The following DIAPH2 variants were observed in gnomAD, a reference collection of about 807,000 sequenced individuals.
DIAPH2 encodes the protein protein diaphanous homolog 2.
Under a neutral mutation model 92.7 loss-of-function variants are expected in DIAPH2, and 35 were observed. The observed-to-expected ratio is 0.38, with a 90% CI of 0.29 to 0.50. The LOEUF (loss-of-function observed/expected upper bound fraction) is 0.50, where lower values mean the gene tolerates loss of function less well. DIAPH2 is among the 20% of genes least tolerant of loss of function. The pLI is 0.94. For missense variants in DIAPH2, 701 were observed against 819.5 expected (o/e 0.86, Z 1.77); for synonymous variants, 301 against 280.4 (o/e 1.07, Z -0.73).
intron 25 of DIAPH2, among the ~76,000 whole-genome samples, chrX:97,412,227 T>C (rs1454374197): frequency 1.2e-4 from 13 of 111,711 alleles, no homozygotes; most frequent in African/African-American, 4.2e-4. Context: ...TGCAATCAAA[T>C]TAGTACTCAG....
intron 26 of DIAPH2, among the ~76,000 whole-genome samples, chrX:97,460,574 A>G (rs1167917025): frequency 1.8e-5 from 2 of 112,242 alleles, no homozygotes; most frequent in Non-Finnish European, 3.8e-5. Context: ...ATTCATTTTT[A>G]CAAGGTAGAA....
intron 23 of DIAPH2, among the ~76,000 whole-genome samples, chrX:97,316,684 G>A (rs754732677): frequency 1.8e-5 from 2 of 111,322 alleles, no homozygotes; most frequent in South Asian, 3.8e-4. Flanking sequence ...AGACTAGAGG[G>A]TAGGCAGCAT....
At chrX:96,718,348 T>G (rs866528447) in intron 1 of DIAPH2, among the ~76,000 whole-genome samples, 87 of 55,464 alleles carry the variant, frequency 1.6e-3, no homozygotes, top group Non-Finnish European at 2.5e-3. Flanking sequence ...TTTTTTTTTT[T>G]TTTTTTTTTT....
chrX:97,227,269 G>A (rs911401582), intron 22 of DIAPH2, among the ~76,000 whole-genome samples: 1 of 110,549 alleles, frequency 9.0e-6, no homozygotes, highest in Non-Finnish European at 1.9e-5. Flanking sequence ...GCAAGACTTC[G>A]TCTAAAAAAA....
At chrX:97,224,080 A>G (rs1052578673) in intron 22 of DIAPH2, among the ~76,000 whole-genome samples, 1 of 111,770 alleles carries the variant, frequency 8.9e-6, no homozygotes, top group African/African-American at 3.2e-5. Flanking sequence ...GTTAATTGTC[A>G]GTTTCTGAAA....
intron 26 of DIAPH2, among the ~76,000 whole-genome samples, chrX:97,432,040 A>G (rs2070131930): frequency 8.9e-6 from 1 of 111,733 alleles, no homozygotes; most frequent in Non-Finnish European, 1.9e-5. Flanking sequence ...ATCTTTTCCA[A>G]CAACCTCCAC....
At chrX:96,717,816 GTATATATATATATATATATATATATA>G (rs61272505) in intron 1 of DIAPH2, among the ~76,000 whole-genome samples, 799 of 36,376 alleles carry the variant, frequency 0.022, 17 homozygotes, top group Middle Eastern at 0.062. Context: ...TGGGTATATA[GTATATATATATATATATATATATATA>G]TATATATATA....
chrX:97,397,926 T>A (rs1225051915), intron 25 of DIAPH2, among the ~76,000 whole-genome samples: 2 of 112,511 alleles, frequency 1.8e-5, no homozygotes, highest in Non-Finnish European at 3.8e-5. Flanking sequence ...TTGAAATGCA[T>A]CAGTAGGGAG....
At chrX:96,785,697 G>A (rs748122139) in intron 4 of DIAPH2, among the ~76,000 whole-genome samples, 13 of 108,039 alleles carry the variant, frequency 1.2e-4, no homozygotes, top group Non-Finnish European at 1.9e-4. Flanking sequence ...GGCTGGTCTC[G>A]AACTCCTGAC....
At chrX:97,472,441 C>T (rs984850925) in intron 26 of DIAPH2, among the ~76,000 whole-genome samples, 9 of 112,024 alleles carry the variant, frequency 8.0e-5, no homozygotes, top group African/African-American at 2.9e-4. Context: ...AAAGGGTTTC[C>T]GAAAATCACT....
In DIAPH2 at chrX:97,441,310, G is replaced by T. The variant is rs763259497; in HGVS notation, c.3241+11565G>T. On this transcript the variant is annotated intron_variant, in intron 26 of 26. Transcript: ENST00000324765. ...CATGCCTGTAATCCCAGCTACTCGG[G>T]AGGCTGAGGCAGGAGAATCGCTTGA... Among the ~76,000 whole-genome samples the T allele has an allele frequency of 2.7e-5, 3 of 109,813 alleles. No homozygotes were observed. In the South Asian group the frequency reaches 1.2e-3, roughly 44 times the overall value.
At chrX:96,939,103 A>C (rs1467752972) in intron 11 of DIAPH2, among the ~76,000 whole-genome samples, 163 bp from the exon 12 acceptor site, 1 of 111,506 alleles carries the variant, frequency 9.0e-6, no homozygotes, top group African/African-American at 3.3e-5. Context: ...GATTCCATAG[A>C]ATCATTACTT....
intron 26 of DIAPH2, among the ~76,000 whole-genome samples, chrX:97,582,312 T>C (rs1473961339): frequency 5.0e-5 from 3 of 60,195 alleles, no homozygotes; most frequent in African/African-American, 6.5e-5. Flanking sequence ...CTGGTACCGG[T>C]TGTTCCTTTC....
intron 23 of DIAPH2, among the ~76,000 whole-genome samples, chrX:97,311,195 G>A (rs1220753545): frequency 9.0e-6 from 1 of 111,079 alleles, no homozygotes; most frequent in African/African-American, 3.3e-5. Flanking sequence ...AGGCAGATGG[G>A]AAGCAGGGAG....
chrX:96,999,310 C>T (rs1337363494), intron 17 of DIAPH2, among the ~76,000 whole-genome samples: 1 of 109,560 alleles, frequency 9.1e-6, no homozygotes, highest in Non-Finnish European at 1.9e-5. Flanking sequence ...GTCAGGAGAT[C>T]GAGACCACGG....
chrX:97,491,429 G>A (rs1387928846), intron 26 of DIAPH2, among the ~76,000 whole-genome samples: 3 of 110,726 alleles, frequency 2.7e-5, no homozygotes, highest in African/African-American at 9.9e-5. Flanking sequence ...TATTTTTTTT[G>A]AGACAGAGTC....
intron 5 of DIAPH2, among the ~76,000 whole-genome samples, chrX:96,900,966 A>G (rs188010387): frequency 1.9e-3 from 208 of 111,736 alleles, no homozygotes; most frequent in African/African-American, 6.4e-3. Context: ...TTACGGTGAT[A>G]CTGGCTTCAT....
chrX:97,446,040 G>T (rs1340745981), intron 26 of DIAPH2, among the ~76,000 whole-genome samples: 1 of 110,903 alleles, frequency 9.0e-6, no homozygotes, highest in African/African-American at 3.3e-5. Flanking sequence ...AAAATTCCTG[G>T]ATGAAATTCT....
chrX:97,093,010 C>A (rs1473250741), intron 19 of DIAPH2, among the ~76,000 whole-genome samples: 2 of 104,023 alleles, frequency 1.9e-5, no homozygotes, highest in Non-Finnish European at 4.0e-5. Flanking sequence ...CATAGTGACA[C>A]CCTGTCACTA....
Sources: allele counts gnomAD v4.1 joint callset (sites outside exome capture counted in the v4.1 genomes callset), GRCh38; gene constraint gnomAD v4.1.1; transcripts MANE v1.5; gene names NCBI Gene and HGNC (gene_info 2026-07-23, HGNC 2026-07-21).